The following SLC34A1 variants were observed in gnomAD, a reference collection of about 807,000 sequenced individuals.
The protein encoded by SLC34A1 is sodium-dependent phosphate transport protein 2A.
A neutral mutation model predicts 51.4 loss-of-function variants in SLC34A1; 57 were observed. That is an observed-to-expected ratio of 1.11 (90% CI 0.90 to 1.38). SLC34A1 has a LOEUF of 1.38. Ranked by LOEUF, SLC34A1 falls within the 40% of genes most tolerant of loss-of-function variation. SLC34A1 has a pLI of 0.00. For missense variants in SLC34A1, 796 were observed against 835.6 expected (o/e 0.95, Z 0.58); for synonymous variants, 368 against 358.0 (o/e 1.03, Z -0.32).
intron 8 of SLC34A1, among the ~76,000 whole-genome samples, chr5:177,389,236 A>G (rs572993895): frequency 5.9e-5 from 9 of 152,264 alleles, no homozygotes; most frequent in Admixed American, 1.3e-4. Flanking sequence ...CTTCATCCAA[A>G]CCACAATGCA....
intron 12 of SLC34A1, chr5:177,397,515 T>A (rs1763008793): frequency 1.7e-6 from 1 of 573,310 alleles, no homozygotes; most frequent in South Asian, 2.0e-5. Flanking sequence ...CAGTATCTGC[T>A]GGGGGATTCC....
rs1762964810 is a variant in SLC34A1, at chr5:177,396,486, C to CCG, written c.1175-246_1175-245insGC. ...GCTCTCCCAGTGCCCCCGCGGAGGT[C>CCG]CTCTCTCCCAGTGCCCCCGCGGAGG... On this transcript the variant is annotated intron_variant, in intron 10 of 12. Transcript: ENST00000324417. The surrounding 1 kb of genome is among the most constrained non-coding windows in gnomAD (Gnocchi z 4.0). 1.5e-5 allele frequency among the ~76,000 whole-genome samples: 2 copies of CCG among 132,090 alleles called. No homozygotes were observed. The highest frequency in any genetic ancestry group is 5.2e-5 in the African/African-American group (2 of 38,168). The allele number at this position is 132,090 out of a possible 152,430, so 86.7% of individuals were successfully genotyped here.
chr5:177,391,191 A>G (rs142509508), intron 8 of SLC34A1, among the ~76,000 whole-genome samples: 98 of 152,150 alleles, frequency 6.4e-4, no homozygotes, highest in African/African-American at 2.2e-3. Context: ...TGGAGTTTCC[A>G]TCTTCTCCCT....
Position 177,398,150 on chromosome 5 carries a change from G to A in SLC34A1, c.1784G>A (p.Arg595His), listed in dbSNP as rs17854804. Reference sequence around the variant, plus strand: ...AAGCCCCTGGACCACCTCATCACCCGCGCCACCCTATGCTGTGCCAGGCCT... The same window carrying A: ...AAGCCCCTGGACCACCTCATCACCCACGCCACCCTATGCTGTGCCAGGCCT... ...SLKPLDHLIT[R>H]ATLCCARPEP... is the part of the protein sequence containing the mutation. The change falls in exon 13 of 13, where the codon CGC becomes CAC. Residue 595 changes from arginine (R) to histidine (H), a missense_variant. Arg to His is a conservative substitution (Grantham distance 29). Coordinates refer to ENST00000324417, the MANE Select transcript of SLC34A1 (RefSeq NM_003052.5). This position sits in a 1 kb window ranked among gnomAD's most constrained non-coding sequence, Gnocchi z 4.7. 124 of 1,611,730 alleles carry A rather than the reference G, an allele frequency of 7.7e-5. No individual in the cohort carries two copies. Among genetic ancestry groups the A allele is most frequent in the Non-Finnish European group, 9.6e-5 (113 of 1,178,596 alleles).
At chr5:177,392,842 T>C (rs1228717842) in intron 8 of SLC34A1, among the ~76,000 whole-genome samples, 3 of 152,178 alleles carry the variant, frequency 2.0e-5, no homozygotes, top group African/African-American at 4.8e-5. Flanking sequence ...CTCCCACTCC[T>C]GGCCTCGAGT....
At chr5:177,390,561 T>C (rs1326278025) in intron 8 of SLC34A1, 1 of 197,904 alleles carries the variant, frequency 5.1e-6, no homozygotes, top group Non-Finnish European at 9.0e-6. Flanking sequence ...CTACTATGTA[T>C]GTCTGCTTCC....
In SLC34A1 at chr5:177,385,722, C is replaced by T; in HGVS notation, c.-20C>T. The T allele has an allele frequency of 3.2e-6, 5 of 1,585,888 alleles. No individual in the cohort carries two copies. The highest frequency in any genetic ancestry group is 4.3e-6 in the Non-Finnish European group (5 of 1,157,056). On this transcript the variant is annotated 5_prime_UTR_variant, in exon 2 of 13. Coordinates refer to ENST00000324417, the MANE Select transcript of SLC34A1 (RefSeq NM_003052.5). ...TTGCTGAGACCCACTGACCTGCAGACCTCATAGTGGGTGCCCAGGATGTTG... is the reference window on the plus strand; with the variant it reads ...TTGCTGAGACCCACTGACCTGCAGATCTCATAGTGGGTGCCCAGGATGTTG...
Position 177,387,870 on chromosome 5 carries a change from G to C in SLC34A1, c.641G>C (p.Arg214Pro), listed in dbSNP as rs375460862. Residue 214 changes from arginine (R) to proline (P), a missense_variant, in exon 6 of 13, where the codon CGG becomes CCG. By Grantham distance (103) the Arg-to-Pro change is moderately radical. Coordinates refer to ENST00000324417, the MANE Select transcript of SLC34A1 (RefSeq NM_003052.5). ...LMQAGDRTDF[R>P]RAFAGATVHD... ...CAGGCGGGGGACAGGACTGACTTCC[G>C]GCGGTGAGGGGGGCTGGGGGTTGGG... is the stretch of plus-strand genomic sequence containing the variant. The C allele has an allele frequency of 6.2e-7, 1 of 1,612,090 alleles. No individual in the cohort carries two copies.
Position 177,396,883 on chromosome 5 carries a change from C to T in SLC34A1, c.1291+34C>T. ...CCATGTAGAGGTGGAGTGGGGTGGG[C>T]CAGGGCTGGCAGGGAAAGGGCCGAA... On this transcript the variant is annotated intron_variant, in intron 11 of 12. Coordinates refer to ENST00000324417, the MANE Select transcript of SLC34A1 (RefSeq NM_003052.5). This position sits in a 1 kb window ranked among gnomAD's most constrained non-coding sequence, Gnocchi z 4.0. The T allele has an allele frequency of 1.2e-6, 2 of 1,614,142 alleles. No individual in the cohort carries two copies. The highest frequency in any genetic ancestry group is 1.7e-6 in the Non-Finnish European group (2 of 1,180,008).
In SLC34A1 at chr5:177,387,859, G is replaced by A. The variant is rs1762645287; in HGVS notation, c.630G>A (p.Arg210=). The part of the protein sequence containing the change: ...TIVALMQAGD[R]TDFRRAFAGA... ...TGGCCCTGATGCAGGCGGGGGACAG[G>A]ACTGACTTCCGGCGGTGAGGGGGGC... Residue 210 remains arginine, a synonymous_variant, in exon 6 of 13, where the codon AGG becomes AGA. Coordinates refer to ENST00000324417, the MANE Select transcript of SLC34A1 (RefSeq NM_003052.5). 1 of 1,608,626 alleles carries A rather than the reference G, an allele frequency of 6.2e-7. No homozygotes were observed. Among genetic ancestry groups the A allele is most frequent in the Non-Finnish European group, 8.5e-7 (1 of 1,177,172 alleles).
Position 177,396,734 on chromosome 5 carries a change from C to A in SLC34A1, c.1176C>A (p.Asp392Glu), listed in dbSNP as rs1762980515. The change falls in exon 11 of 13, where the codon GAC becomes GAA. Residue 392 changes from aspartate to glutamate, a missense_variant and splice_region_variant. Transcript: ENST00000324417. This position sits in a 1 kb window ranked among gnomAD's most constrained non-coding sequence, Gnocchi z 4.0. ...AKVIQKVINTDFPAPFTWVTG... is the reference protein window; with the variant it reads ...AKVIQKVINTEFPAPFTWVTG... ...TGCTGGGATGCGGTTTCCTTGCAGA[C>A]TTCCCTGCCCCCTTCACCTGGGTCA... 1 of 1,614,006 alleles carries A rather than the reference C, an allele frequency of 6.2e-7. No homozygotes were observed. Among genetic ancestry groups the A allele is most frequent in the South Asian group, 1.1e-5 (1 of 91,090 alleles).
rs753995754 is a variant in SLC34A1, at chr5:177,388,095, G to A, written c.746G>A (p.Arg249Gln). 42 of 1,613,988 alleles carry A rather than the reference G, an allele frequency of 2.6e-5. No individual in the cohort carries two copies. The highest frequency in any genetic ancestry group is 1.2e-4 in the South Asian group (11 of 91,088). The change falls in exon 7 of 13, where the codon CGA becomes CAA. Residue 249 changes from arginine (R) to glutamine (Q), a missense_variant. Physicochemically the swap from Arg to Gln is conservative, Grantham distance 43 (BLOSUM62 1). Transcript: ENST00000324417. This position sits in a 1 kb window ranked among gnomAD's most constrained non-coding sequence, Gnocchi z 4.3. Reference protein sequence around the residue: ...AATGYLHHITRLVVASFNIHG... With the variant: ...AATGYLHHITQLVVASFNIHG... The stretch of plus-strand genomic sequence containing the variant: ...ACTGGCTACCTGCACCACATCACTC[G>A]ACTTGTGGTGGCCTCCTTCAACATC...
At chr5:177,391,123 G>A (rs933731629) in intron 8 of SLC34A1, among the ~76,000 whole-genome samples, 4 of 152,158 alleles carry the variant, frequency 2.6e-5, no homozygotes, top group African/African-American at 9.7e-5. Flanking sequence ...AGGCAGGGAT[G>A]GGCACATCTT....
intron 12 of SLC34A1, chr5:177,397,331 G>T (rs2127355650): frequency 1.9e-6 from 1 of 540,346 alleles, no homozygotes; most frequent in East Asian, 3.4e-5. Context: ...AGAGGAAGAG[G>T]AAGAGGCACT....
In SLC34A1 at chr5:177,386,326, G is replaced by C. The variant is rs772044990; in HGVS notation, c.365G>C (p.Ser122Thr). 8 of 1,614,258 alleles carry C rather than the reference G, an allele frequency of 5.0e-6. No individual in the cohort carries two copies. The South Asian group carries it at 8.8e-5, about 18-fold the overall frequency. The part of the protein sequence containing the change: ...YLFVCSLDML[S>T]SAFQLAGGKV... ...TTCGTCTGCTCCCTGGACATGCTCA[G>C]CTCGGCCTTCCAGCTGGCTGGAGGT... Residue 122 changes from serine (S) to threonine (T), a missense_variant, in exon 4 of 13, where the codon AGC (serine) becomes ACC (threonine). Transcript: ENST00000324417. The surrounding 1 kb of genome is among the most constrained non-coding windows in gnomAD (Gnocchi z 4.8).
intron 5 of SLC34A1, among the ~76,000 whole-genome samples, 161 bp from the exon 6 acceptor site, chr5:177,387,601 C>CT (rs1447053280): frequency 2.0e-5 from 3 of 152,246 alleles, no homozygotes; most frequent in Non-Finnish European, 4.4e-5. Context: ...ACGCACAGCC[C>CT]GTGCCCACAT....
chr5:177,392,464 AAAATAAAT>A lies in SLC34A1; in HGVS notation c.937-1211_937-1204del, dbSNP rs10625002. On this transcript the variant is annotated intron_variant, in intron 8 of 12. Coordinates refer to ENST00000324417, the MANE Select transcript of SLC34A1 (RefSeq NM_003052.5). ...GGCAACAGAACAAAAACTCTGTCTC[AAAATAAAT>A]AAATAAATAAATAAATAACTTCTTA... 5.3e-5 allele frequency among the ~76,000 whole-genome samples: 8 copies of A among 151,254 alleles called. No homozygotes were observed. The East Asian group carries it at 1.2e-3, about 22-fold the overall frequency.
Position 177,398,187 on chromosome 5 carries a change from A to AC in SLC34A1, c.1826dup (p.Leu610AlafsTer56), listed in dbSNP as rs1475030738. 1 of 1,609,686 alleles carries AC rather than the reference A, an allele frequency of 6.2e-7. No homozygotes were observed. Among genetic ancestry groups the AC allele is most frequent in the Non-Finnish European group, 8.5e-7 (1 of 1,179,628 alleles). ...GCTGTGCCAGGCCTGAGCCCCGCTC[A>AC]CCCCCGCTGCCCCCCAGGGTCTTCC... On this transcript the variant is annotated frameshift_variant, in exon 13 of 13. Coordinates refer to ENST00000324417, the MANE Select transcript of SLC34A1 (RefSeq NM_003052.5). LOFTEE classifies it high-confidence loss of function. The surrounding 1 kb of genome is among the most constrained non-coding windows in gnomAD (Gnocchi z 4.7).
In SLC34A1 at chr5:177,388,461, G is replaced by T; in HGVS notation, c.936+89G>T. 1 of 1,163,632 alleles carries T rather than the reference G, an allele frequency of 8.6e-7. No homozygotes were observed. The highest frequency in any genetic ancestry group is 1.3e-6 in the Non-Finnish European group (1 of 783,108). The allele number at this position is 1,163,632 out of a possible 1,614,324, so 72.1% of individuals were successfully genotyped here. A position where few individuals can be genotyped will look rare whatever the true frequency, so the allele number is the denominator to read the frequency against. On this transcript the variant is annotated intron_variant, in intron 8 of 12. Transcript: ENST00000324417. This position sits in a 1 kb window ranked among gnomAD's most constrained non-coding sequence, Gnocchi z 4.3. ...GTTCAAAATGCTCCAGATAGACCTTGAAGATCATTTAGCCAGGAGAGGGCA... is the reference window on the plus strand; with the variant it reads ...GTTCAAAATGCTCCAGATAGACCTTTAAGATCATTTAGCCAGGAGAGGGCA...
Sources: allele counts gnomAD v4.1 joint callset (sites outside exome capture counted in the v4.1 genomes callset), GRCh38; gene constraint gnomAD v4.1.1; non-coding constraint Gnocchi (gnomAD v3.1); transcripts MANE v1.5; gene names NCBI Gene and HGNC (gene_info 2026-07-23, HGNC 2026-07-21).